The following THSD4 variants were observed in gnomAD, a reference collection of about 807,000 sequenced individuals.
THSD4 encodes the protein thrombospondin type-1 domain-containing protein 4.
THSD4 carries 69 observed loss-of-function variants against 119.0 expected under a neutral mutation model. The ratio of observed to expected loss-of-function variants is 0.58; its 90% CI spans 0.48 to 0.71. The LOEUF is 0.71. Ranked by LOEUF, THSD4 falls within the 30% of genes least tolerant of loss-of-function variation. The probability of loss-of-function intolerance (pLI) is 0.00; values close to 1 mark genes in which losing one functional copy is unlikely to be tolerated. For missense variants in THSD4, 1,393 were observed against 1,391.1 expected (o/e 1.00, Z -0.02); for synonymous variants, 524 against 540.4 (o/e 0.97, Z 0.42).
intron 7 of THSD4, among the ~76,000 whole-genome samples, chr15:71,575,515 T>A (rs2049432970): frequency 6.6e-6 from 1 of 152,328 alleles, no homozygotes; most frequent in Non-Finnish European, 1.5e-5. Flanking sequence ...TACCTTCATA[T>A]ACCCAGAAAT....
intron 7 of THSD4, among the ~76,000 whole-genome samples, chr15:71,645,051 G>C (rs146786015): frequency 1.3e-5 from 2 of 152,048 alleles, no homozygotes; most frequent in African/African-American, 4.8e-5. Flanking sequence ...AACACAAGTC[G>C]AACAGTGATT....
intron 8 of THSD4, among the ~76,000 whole-genome samples, chr15:71,724,287 A>ATATATATATATATATATATTTTTTT: frequency 8.0e-5 from 3 of 37,284 alleles, no homozygotes; most frequent in African/African-American, 6.6e-5. Context: ...ATATATATAT[A>ATATATATATATATATATATTTTTTT]TTTTTTTTTT....
chr15:71,543,311 A>G (rs1323671194), intron 7 of THSD4, among the ~76,000 whole-genome samples: 1 of 152,190 alleles, frequency 6.6e-6, no homozygotes, highest in Non-Finnish European at 1.5e-5. Flanking sequence ...ACATTTTAGA[A>G]GATCCCAGTG....
intron 3 of THSD4, among the ~76,000 whole-genome samples, chr15:71,173,181 G>A (rs1270877399): frequency 6.6e-6 from 1 of 151,864 alleles, no homozygotes; most frequent in African/African-American, 2.4e-5. Flanking sequence ...AAAGTAGCAG[G>A]ATACAAGGTC....
chr15:71,683,745 C>T (rs569358606), intron 8 of THSD4, among the ~76,000 whole-genome samples: 186 of 152,204 alleles, frequency 1.2e-3, no homozygotes, highest in African/African-American at 4.1e-3. Flanking sequence ...GAGGCCGAGC[C>T]GAACGGCCTA....
chr15:71,364,277 A>G (rs1480686492), intron 6 of THSD4, among the ~76,000 whole-genome samples: 1 of 152,246 alleles, frequency 6.6e-6, no homozygotes, highest in Non-Finnish European at 1.5e-5. Flanking sequence ...AACACTGGGC[A>G]AGTCTGGACA....
chr15:71,763,805 C>T (rs1409079281), intron 15 of THSD4, among the ~76,000 whole-genome samples: 1 of 152,098 alleles, frequency 6.6e-6, no homozygotes, highest in Non-Finnish European at 1.5e-5. Context: ...TGGCTCATGC[C>T]TGTAATCCCA....
At chr15:71,528,775 A>C (rs2048566111) in intron 7 of THSD4, among the ~76,000 whole-genome samples, 1 of 152,206 alleles carries the variant, frequency 6.6e-6, no homozygotes, top group South Asian at 2.1e-4. Flanking sequence ...CTGGCCTTAG[A>C]TGAAGCAGGA....
At chr15:71,165,425 A>G (rs1308369584) in intron 3 of THSD4, 6 of 1,480,348 alleles carry the variant, frequency 4.1e-6, no homozygotes, top group South Asian at 1.1e-5. Context: ...ATGTTTAGTT[A>G]TTTTTCCTCA....
rs185839331 is a variant in THSD4, at chr15:71,326,541, G to A, written c.1015+69826G>A. Among the ~76,000 whole-genome samples the A allele has an allele frequency of 1.7e-3, 247 of 149,634 alleles. 1 individual carries two copies. Among genetic ancestry groups the A allele is most frequent in the African/African-American group, 5.9e-3 (240 of 40,870 alleles). On this transcript the variant is annotated intron_variant, in intron 6 of 17. Transcript: ENST00000261862. ...AAAATACAAAAATCAGCCAGGTGTG[G>A]TGGCACACACCTATAATCCCAGCTA...
At chr15:71,690,982 C>T (rs934231615) in intron 8 of THSD4, among the ~76,000 whole-genome samples, 1 of 152,176 alleles carries the variant, frequency 6.6e-6, no homozygotes, top group African/African-American at 2.4e-5. Flanking sequence ...AATGAAGACC[C>T]TTGTGATGGA....
intron 7 of THSD4, among the ~76,000 whole-genome samples, chr15:71,441,502 A>G (rs1451996016): frequency 7.9e-5 from 10 of 125,870 alleles, no homozygotes; most frequent in Admixed American, 3.0e-4. Flanking sequence ...TTTAAGCAAT[A>G]CTCCTGCCTC....
chr15:71,604,413 A>G (rs1480683511), intron 7 of THSD4, among the ~76,000 whole-genome samples: 3 of 152,210 alleles, frequency 2.0e-5, no homozygotes, highest in Non-Finnish European at 4.4e-5. Flanking sequence ...TCCTTCCACA[A>G]TGGTTACTTT....
Position 71,334,663 on chromosome 15 carries a change from G to A in THSD4, c.1016-77024G>A, listed in dbSNP as rs545776551. On this transcript the variant is annotated intron_variant, in intron 6 of 17. Transcript: ENST00000261862. ...CAAATGCCAGCCCATCAAGGCAAAT[G>A]AGTCAGTTTGCCAGTGTCTGACCCA... Among the ~76,000 whole-genome samples, 10 of 152,306 alleles carry A rather than the reference G, an allele frequency of 6.6e-5. No homozygotes were observed. In the South Asian group the frequency reaches 2.1e-3, roughly 32 times the overall value.
In THSD4 at chr15:71,777,473, C is replaced by T; in HGVS notation, c.*99C>T. On this transcript the variant is annotated 3_prime_UTR_variant, in exon 18 of 18. Transcript: ENST00000261862. ...CTGCTCCACCACGGGCCCCCTGGCC[C>T]AGGCGCTGCCAACCAACTTAGTCAC... The T allele has an allele frequency of 1.4e-6, 2 of 1,480,706 alleles. No homozygotes were observed. Among genetic ancestry groups the T allele is most frequent in the South Asian group, 1.3e-5 (1 of 76,626 alleles). The allele number at this position is 1,480,706 out of a possible 1,614,324, so 91.7% of individuals were successfully genotyped here. A position where few individuals can be genotyped will look rare whatever the true frequency, so the allele number is the denominator to read the frequency against.
chr15:71,748,632 T>C (rs760071124), intron 14 of THSD4, 38 bp downstream of exon 14: 1 of 1,607,292 alleles, frequency 6.2e-7, no homozygotes. Context: ...GGGACCGAGG[T>C]CTGCCAGGTG....
chr15:71,664,970 T>C (rs2051387181), intron 8 of THSD4, among the ~76,000 whole-genome samples: 2 of 152,226 alleles, frequency 1.3e-5, no homozygotes, highest in Non-Finnish European at 2.9e-5. Flanking sequence ...TGCATGTGTC[T>C]TTATGGTAGG....
intron 7 of THSD4, among the ~76,000 whole-genome samples, chr15:71,442,634 G>A (rs1595772051): frequency 4.8e-5 from 1 of 20,906 alleles, no homozygotes; most frequent in Non-Finnish European, 1.2e-4. Context: ...ATATATGTAT[G>A]TGTGTGTATA....
chr15:71,194,181 C>T (rs183914643), intron 3 of THSD4, among the ~76,000 whole-genome samples: 13 of 152,270 alleles, frequency 8.5e-5, no homozygotes, highest in Admixed American at 7.8e-4. Flanking sequence ...TTCCCAGTCT[C>T]GGGTATGTCT....
Sources: gnomAD v4.1 joint callset for allele counts (sites outside exome capture counted in the v4.1 genomes callset) on GRCh38, gnomAD v4.1.1 for gene constraint, MANE v1.5 for transcripts, NCBI Gene and HGNC (gene_info 2026-07-23, HGNC 2026-07-21) for gene names.